LHFPL2: variants seen among roughly 807,000 people sequenced by gnomAD.
LHFPL2 encodes LHFPL tetraspan subfamily member 2 protein.
LHFPL2 carries 7 observed loss-of-function variants against 17.5 expected under a neutral mutation model. The ratio of observed to expected loss-of-function variants is 0.40; its 90% confidence interval spans 0.23 to 0.75. LHFPL2 has a LOEUF of 0.75. Ranked by LOEUF, LHFPL2 falls within the 30% of genes least tolerant of loss-of-function variation. The pLI is 0.37. For synonymous variants in LHFPL2, 134 were observed against 116.2 expected (o/e 1.15, Z -0.99); for missense variants, 241 against 294.8 (o/e 0.82, Z 1.34).
intron 3 of LHFPL2, among the ~76,000 whole-genome samples, chr5:78,551,108 G>A (rs754417638): frequency 6.6e-6 from 1 of 152,052 alleles, no homozygotes; most frequent in Non-Finnish European, 1.5e-5. Context: ...TTCTTACATT[G>A]TAAAATCATC....
intron 3 of LHFPL2, among the ~76,000 whole-genome samples, chr5:78,522,915 A>C (rs1186477143): frequency 6.6e-6 from 1 of 152,200 alleles, no homozygotes; most frequent in African/African-American, 2.4e-5. Context: ...CGGTTAATTC[A>C]AATGGGAGAG....
intron 2 of LHFPL2, among the ~76,000 whole-genome samples, chr5:78,573,599 T>C (rs1757057979): frequency 1.3e-5 from 2 of 152,198 alleles, no homozygotes; most frequent in Non-Finnish European, 1.5e-5. Flanking sequence ...TAAGTTTCAC[T>C]GGTTAGGCAG....
chr5:78,616,167 AC>A (rs1744598311), intron 2 of LHFPL2, among the ~76,000 whole-genome samples: 1 of 151,242 alleles, frequency 6.6e-6, no homozygotes. Flanking sequence ...TCACTCTGTC[AC>A]CCAGGCTGAA....
chr5:78,648,324 C>T lies in LHFPL2; in HGVS notation c.-350+175G>A, dbSNP rs1171231286. Reference sequence around the variant, plus strand: ...GCCCATCCCGCAGCACCTCCGACCGCTCGGCGCGGTCTCCCAGGGCGCCGA... The same window carrying T: ...GCCCATCCCGCAGCACCTCCGACCGTTCGGCGCGGTCTCCCAGGGCGCCGA... On this transcript the variant is annotated intron_variant, in intron 1 of 4. Transcript: ENST00000380345. The surrounding 1 kb of genome is among the most constrained non-coding windows in gnomAD (Gnocchi z 5.4). 6.6e-6 allele frequency among the ~76,000 whole-genome samples: 1 copy of T among 152,050 alleles called. No individual in the cohort carries two copies. The highest frequency in any genetic ancestry group is 1.5e-5 in the Non-Finnish European group (1 of 67,964).
At chr5:78,546,801 TC>T (rs1345296044) in intron 3 of LHFPL2, among the ~76,000 whole-genome samples, 15 of 152,212 alleles carry the variant, frequency 9.9e-5, no homozygotes, top group African/African-American at 3.6e-4. Flanking sequence ...TTTGGCTGCT[TC>T]CAAATGTCTG....
At chr5:78,570,634 G>C (rs1756973380) in intron 2 of LHFPL2, among the ~76,000 whole-genome samples, 1 of 145,366 alleles carries the variant, frequency 6.9e-6, no homozygotes. Flanking sequence ...TATATATATA[G>C]TATATATATA....
At chr5:78,619,708 A>G (rs945437307) in intron 2 of LHFPL2, among the ~76,000 whole-genome samples, 1 of 138,018 alleles carries the variant, frequency 7.2e-6, no homozygotes, top group Admixed American at 7.3e-5. Context: ...GTGTCCGTCC[A>G]TGTGTTCTCA....
chr5:78,515,711 C>A (rs1261694314), intron 3 of LHFPL2, among the ~76,000 whole-genome samples: 1 of 152,250 alleles, frequency 6.6e-6, no homozygotes, highest in African/African-American at 2.4e-5. Context: ...ACCACTGAAT[C>A]AAACTTTTTG....
intron 1 of LHFPL2, chr5:78,641,875 A>G (rs1745670121): frequency 6.6e-6 from 1 of 150,560 alleles, no homozygotes; most frequent in Non-Finnish European, 1.5e-5. Flanking sequence ...TTTCTTAAAT[A>G]TATTTATTGT....
chr5:78,554,041 A>G (rs1756511216), intron 3 of LHFPL2, among the ~76,000 whole-genome samples: 2 of 152,172 alleles, frequency 1.3e-5, no homozygotes, highest in African/African-American at 4.8e-5. Flanking sequence ...CCTCTTTTAC[A>G]TTTACTCCAG....
chr5:78,525,785 A>G (rs932083750), intron 3 of LHFPL2, among the ~76,000 whole-genome samples: 3 of 152,264 alleles, frequency 2.0e-5, no homozygotes, highest in Non-Finnish European at 4.4e-5. Flanking sequence ...GCGTTTGGGA[A>G]TAGGATACCA....
intron 3 of LHFPL2, among the ~76,000 whole-genome samples, chr5:78,547,014 TAA>T (rs369689330): frequency 3.9e-4 from 54 of 137,596 alleles, no homozygotes; most frequent in African/African-American, 9.9e-4. Flanking sequence ...ACTGTACTGG[TAA>T]AAAAAAAAAA....
At chr5:78,643,178 A>G (rs1425751217) in intron 1 of LHFPL2, among the ~76,000 whole-genome samples, 2 of 152,224 alleles carry the variant, frequency 1.3e-5, no homozygotes, top group Non-Finnish European at 2.9e-5. Flanking sequence ...AACTACTGTC[A>G]GCGCCCTGGC....
At chr5:78,493,059 T>G (rs1754499660) in intron 4 of LHFPL2, among the ~76,000 whole-genome samples, 3 of 151,962 alleles carry the variant, frequency 2.0e-5, no homozygotes, top group Non-Finnish European at 4.4e-5. Flanking sequence ...GACTAATGTC[T>G]AAGAGAAAAC....
At chr5:78,642,618 C>T (rs1184486605) in intron 1 of LHFPL2, among the ~76,000 whole-genome samples, 2 of 152,144 alleles carry the variant, frequency 1.3e-5, no homozygotes, top group African/African-American at 4.8e-5. Context: ...AGAGGGAGGC[C>T]TCCCTACAAA....
chr5:78,518,861 T>C (rs1329478763), intron 3 of LHFPL2, among the ~76,000 whole-genome samples: 2 of 152,206 alleles, frequency 1.3e-5, no homozygotes, highest in South Asian at 2.1e-4. Flanking sequence ...TAGTGAGGCA[T>C]AGTAAACAGA....
chr5:78,645,685 C>T (rs996248361), intron 1 of LHFPL2, among the ~76,000 whole-genome samples: 4 of 152,054 alleles, frequency 2.6e-5, no homozygotes, highest in South Asian at 4.1e-4. Flanking sequence ...CGGGTTCAAG[C>T]GATTCTCCTA....
At chr5:78,491,665 G>A (rs1256019437) in intron 4 of LHFPL2, among the ~76,000 whole-genome samples, 1 of 152,198 alleles carries the variant, frequency 6.6e-6, no homozygotes, top group African/African-American at 2.4e-5. Context: ...GCTCCGCCCT[G>A]TATGAGCTGA....
chr5:78,537,245 C>T (rs1755977103), intron 3 of LHFPL2, among the ~76,000 whole-genome samples: 1 of 152,214 alleles, frequency 6.6e-6, no homozygotes, highest in South Asian at 2.1e-4. Flanking sequence ...GCTGCCATAG[C>T]AACATCACTC....
Sources: allele counts gnomAD v4.1 joint callset (sites outside exome capture counted in the v4.1 genomes callset), GRCh38; gene constraint gnomAD v4.1.1; non-coding constraint Gnocchi (gnomAD v3.1); transcripts MANE v1.5; gene names NCBI Gene and HGNC (gene_info 2026-07-23, HGNC 2026-07-21).